NAA11: variants seen among roughly 807,000 people sequenced by gnomAD.
NAA11 encodes the protein N-alpha-acetyltransferase 11, NatA catalytic subunit.
In NAA11, 15 loss-of-function variants were observed where a neutral mutation model predicts 16.1. The observed-to-expected ratio is 0.93, with a 90% CI of 0.62 to 1.44. The LOEUF is 1.44. NAA11 is among the 40% of genes most tolerant of loss of function. The pLI is 0.00. For missense variants in NAA11, 298 were observed against 291.3 expected (o/e 1.02, Z -0.17); for synonymous variants, 122 against 112.4 (o/e 1.09, Z -0.54).
At chr4:79,300,720 G>A (rs1374896435) in intron 1 of NAA11, among the ~76,000 whole-genome samples, 1 of 152,162 alleles carries the variant, frequency 6.6e-6, no homozygotes, top group African/African-American at 2.4e-5. Context: ...GGTTATTTAA[G>A]TGTGTGTGTG....
intron 2 of NAA11, among the ~76,000 whole-genome samples, chr4:79,247,947 T>C (rs142164534): frequency 7.1e-4 from 108 of 152,246 alleles, no homozygotes; most frequent in African/African-American, 2.5e-3. Flanking sequence ...TGCGGGAGTG[T>C]CTGTAGTGGA....
the NAA11 span, among the ~76,000 whole-genome samples, chr4:79,202,540 A>ACACG: frequency 7.2e-6 from 1 of 139,686 alleles, no homozygotes; most frequent in Non-Finnish European, 1.6e-5. Context: ...ACACACACAC[A>ACACG]CGCACACACA....
intron 1 of NAA11, among the ~76,000 whole-genome samples, chr4:79,304,421 G>A (rs1174556728): frequency 1.3e-5 from 2 of 152,154 alleles, no homozygotes; most frequent in Non-Finnish European, 2.9e-5. Flanking sequence ...GATTAAGAAT[G>A]TGTATGTGAA....
the NAA11 span, among the ~76,000 whole-genome samples, chr4:79,171,164 G>C: frequency 6.6e-6 from 1 of 152,200 alleles, no homozygotes; most frequent in Non-Finnish European, 1.5e-5. Flanking sequence ...CAAGGCAACA[G>C]TGTTGAAAGC....
chr4:79,318,715 T>TATC, intron 1 of NAA11, among the ~76,000 whole-genome samples: 1 of 152,300 alleles, frequency 6.6e-6, no homozygotes, highest in South Asian at 2.1e-4. Context: ...TCAGAAAGAC[T>TATC]ATCATCATTG....
chr4:79,176,608 T>C, the NAA11 span, among the ~76,000 whole-genome samples: 1 of 152,140 alleles, frequency 6.6e-6, no homozygotes, highest in Non-Finnish European at 1.5e-5. Flanking sequence ...GGTCCACTGA[T>C]TAAAATGTTA....
intron 2 of NAA11, among the ~76,000 whole-genome samples, chr4:79,268,734 G>A (rs1722408836): frequency 6.6e-6 from 1 of 151,824 alleles, no homozygotes; most frequent in South Asian, 2.1e-4. Context: ...AAGTTTTAGG[G>A]TACATGTGCA....
the NAA11 span, among the ~76,000 whole-genome samples, chr4:79,176,452 G>A: frequency 4.6e-5 from 7 of 152,136 alleles, no homozygotes; most frequent in Admixed American, 1.3e-4. Context: ...GCAGGCTGGA[G>A]ACTCAGGAAA....
At chr4:79,182,984 G>C in the NAA11 span, among the ~76,000 whole-genome samples, 1 of 152,058 alleles carries the variant, frequency 6.6e-6, no homozygotes, top group South Asian at 2.1e-4. Flanking sequence ...TTTATTCTGA[G>C]ATATCTTTAC....
rs562038268 is a variant in NAA11 at position 79,235,346 on chromosome 4, C to T, written c.*123-9076G>A. Among the ~76,000 whole-genome samples the T allele has an allele frequency of 1.6e-4, 25 of 152,028 alleles. No homozygotes were observed. The East Asian group carries it at 4.7e-3, about 28-fold the overall frequency. ...GAGGTGGTGAGCTAACAGGCTTTAT[C>T]GACAGATGGAGGACCCCAAGTGTGA... On this transcript the variant is annotated intron_variant and NMD_transcript_variant, in intron 2 of 2. Transcript: ENST00000511542.
At chr4:79,253,057 A>C (rs1162535117) in intron 2 of NAA11, among the ~76,000 whole-genome samples, 1 of 152,148 alleles carries the variant, frequency 6.6e-6, no homozygotes, top group Non-Finnish European at 1.5e-5. Context: ...CAAACATGGA[A>C]TATATTTTGA....
chr4:79,186,587 A>G, the NAA11 span, among the ~76,000 whole-genome samples: 2 of 152,242 alleles, frequency 1.3e-5, no homozygotes, highest in African/African-American at 4.8e-5. Context: ...GAACAACACT[A>G]CTTCAAGCAC....
At chr4:79,181,083 G>A in the NAA11 span, among the ~76,000 whole-genome samples, 1 of 152,076 alleles carries the variant, frequency 6.6e-6, no homozygotes, top group African/African-American at 2.4e-5. Context: ...CGTGTTGTAG[G>A]GTGGAGGGAG....
At chr4:79,239,621 A>T (rs766698415) in intron 2 of NAA11, among the ~76,000 whole-genome samples, 43 of 152,036 alleles carry the variant, frequency 2.8e-4, no homozygotes, top group Non-Finnish European at 5.1e-4. Context: ...AATCGCTTGA[A>T]CCCGGAAGGC....
the NAA11 span, among the ~76,000 whole-genome samples, chr4:79,165,447 G>A: frequency 6.6e-6 from 1 of 152,192 alleles, no homozygotes; most frequent in African/African-American, 2.4e-5. Context: ...AGGAAAGCAA[G>A]TCTCTTCAGA....
chr4:79,262,012 A>G (rs936693818), intron 2 of NAA11, among the ~76,000 whole-genome samples: 1 of 152,126 alleles, frequency 6.6e-6, no homozygotes, highest in Non-Finnish European at 1.5e-5. Context: ...AACATTAGAG[A>G]GAACTGGATA....
At chr4:79,230,510 A>AT (rs1721437334) in intron 2 of NAA11, among the ~76,000 whole-genome samples, 2 of 42,892 alleles carry the variant, frequency 4.7e-5, no homozygotes, top group Admixed American at 2.9e-4. Flanking sequence ...TTTGATTCCT[A>AT]CAAAAGAAAC....
At chr4:79,258,093 A>G (rs911539822) in intron 2 of NAA11, among the ~76,000 whole-genome samples, 1 of 152,214 alleles carries the variant, frequency 6.6e-6, no homozygotes, top group Non-Finnish European at 1.5e-5. Context: ...GGAGCCAGGG[A>G]AAAGTGGGAG....
intron 2 of NAA11, among the ~76,000 whole-genome samples, chr4:79,272,890 G>A (rs982965520): frequency 6.6e-5 from 10 of 151,864 alleles, no homozygotes; most frequent in East Asian, 3.9e-4. Flanking sequence ...ATTCTTGAGC[G>A]GCTGGAACAG....
Sources: gnomAD v4.1 joint callset for allele counts (sites outside exome capture counted in the v4.1 genomes callset) on GRCh38, gnomAD v4.1.1 for gene constraint, MANE v1.5 for transcripts, NCBI Gene and HGNC (gene_info 2026-07-23, HGNC 2026-07-21) for gene names.